Variants in DDI2 observed in about 807,000 individuals in gnomAD.
DDI2 encodes DDI proteasomal shuttling factor 2, also known as protein DDI1 homolog 2.
DDI2 carries 5 observed loss-of-function variants against 48.1 expected under a neutral mutation model. The observed-to-expected ratio is 0.10, with a 90% CI of 0.05 to 0.22. The LOEUF (loss-of-function observed/expected upper bound fraction) is 0.22, where lower values mean the gene tolerates loss of function less well. DDI2 is among the 10% of genes least tolerant of loss of function. The pLI is 1.00. For synonymous variants in DDI2, 205 were observed against 183.6 expected (o/e 1.12, Z -0.94); for missense variants, 285 against 506.2 (o/e 0.56, Z 4.19).
At chr1:15,617,895 A>C in intron 1 of DDI2, 87 bp downstream of exon 1, 1 of 1,402,430 alleles carries the variant, frequency 7.1e-7, no homozygotes, top group South Asian at 1.5e-5. Context: ...ACTGGTGAAG[A>C]ATTGGGGGCT....
intron 7 of DDI2, 21 bp from the exon 8 acceptor site, chr1:15,651,685 C>G (rs1336309715): frequency 2.5e-6 from 4 of 1,582,210 alleles, no homozygotes; most frequent in South Asian, 2.3e-5. Flanking sequence ...TGCTATTATT[C>G]TTTGGTTTCT....
chr1:15,626,809 T>A lies in DDI2; in HGVS notation c.268+11T>A. On this transcript the variant is annotated intron_variant, in intron 2 of 9. Transcript: ENST00000480945. ...CAGTGCAGTTCCCAAGTAAGACATC[T>A]GGTGGTTGAGCATCCCCCAGCAGAA... is the stretch of plus-strand genomic sequence containing the variant. 6.2e-7 allele frequency: 1 copy of A among 1,614,128 alleles called. No homozygotes were observed. The highest frequency in any genetic ancestry group is 8.5e-7 in the Non-Finnish European group (1 of 1,180,014).
In DDI2 at chr1:15,661,357, T is replaced by G. The variant is rs1268437140; in HGVS notation, c.*1567T>G. The G allele has an allele frequency of 6.2e-7, 1 of 1,614,130 alleles. No homozygotes were observed. Among genetic ancestry groups the G allele is most frequent in the Non-Finnish European group, 8.5e-7 (1 of 1,180,010 alleles). ...AGGTGTAGAAATTTCACCCAAACTTTTAGCAGGTGAGGAGGATGCACTCAA... is the reference window on the plus strand; with the variant it reads ...AGGTGTAGAAATTTCACCCAAACTTGTAGCAGGTGAGGAGGATGCACTCAA... On this transcript the variant is annotated 3_prime_UTR_variant, in exon 10 of 10. Transcript: ENST00000480945.
intron 5 of DDI2, 129 bp from the exon 6 acceptor site, chr1:15,643,393 A>T: frequency 7.7e-7 from 1 of 1,305,170 alleles, no homozygotes; most frequent in East Asian, 2.6e-5. Flanking sequence ...CTAGGTAGAA[A>T]TGAGTTTATA....
At position 15,663,053 on chromosome 1, in the gene DDI2, A is replaced by C. The variant is rs1028059201; in HGVS notation, c.*3263A>C. On this transcript the variant is annotated 3_prime_UTR_variant, in exon 10 of 10. Transcript: ENST00000480945. ...TAATCCTACTGGATAGGTTTTAGATAATTCTTTCCTGGCAAACTGCTCTTT... is the reference window on the plus strand; with the variant it reads ...TAATCCTACTGGATAGGTTTTAGATCATTCTTTCCTGGCAAACTGCTCTTT... 4 of 152,200 alleles carry C rather than the reference A, an allele frequency of 2.6e-5. No homozygotes were observed. The highest frequency in any genetic ancestry group is 4.8e-5 in the African/African-American group (2 of 41,450). The allele number at this position is 152,200 out of a possible 1,614,324, so 9.4% of individuals were successfully genotyped here.
chr1:15,650,236 G>A (rs1322748211), intron 7 of DDI2, among the ~76,000 whole-genome samples: 1 of 152,196 alleles, frequency 6.6e-6, no homozygotes, highest in Non-Finnish European at 1.5e-5. Flanking sequence ...TATATGTTGG[G>A]AGTGAAAGTG....
rs373473419 is a variant in DDI2, at chr1:15,651,832, C to T, written c.1120C>T (p.Arg374Trp). The T allele has an allele frequency of 5.3e-5, 85 of 1,613,690 alleles. No homozygotes were observed. The highest frequency in any genetic ancestry group is 3.3e-5 in the South Asian group (3 of 91,046). ...LAYGAGREDV[R>W]PEEIADQELA... ...ATATGGGGCTGGAAGAGAGGATGTACGGCCAGAGGAGATTGCAGACCAAGA... is the reference window on the plus strand; with the variant it reads ...ATATGGGGCTGGAAGAGAGGATGTATGGCCAGAGGAGATTGCAGACCAAGA... Residue 374 changes from arginine (R) to tryptophan (W), a missense_variant, in exon 8 of 10, where the codon CGG becomes TGG. Transcript: ENST00000480945.
At chr1:15,634,552 A>ATTTTTTTTTTTTTTTT (rs1436193826) in intron 4 of DDI2, among the ~76,000 whole-genome samples, 1 of 11,804 alleles carries the variant, frequency 8.5e-5, no homozygotes. Context: ...TTTTTTTTTG[A>ATTTTTTTTTTTTTTTT]GACAAGGTCT....
At chr1:15,620,985 A>G (rs1639651482) in intron 1 of DDI2, among the ~76,000 whole-genome samples, 2 of 152,226 alleles carry the variant, frequency 1.3e-5, no homozygotes, top group Non-Finnish European at 1.5e-5. Context: ...ACATAAGCAT[A>G]TAGTTGGAAA....
In DDI2 at chr1:15,660,537, G is replaced by A. The variant is rs553352701; in HGVS notation, c.*747G>A. On this transcript the variant is annotated 3_prime_UTR_variant, in exon 10 of 10. Coordinates refer to ENST00000480945, the MANE Select transcript of DDI2 (RefSeq NM_032341.5). Reference sequence around the variant, plus strand: ...CGATGAAAGGAAATGGGCTCCCACAGAATGTGGATCCTCCAAGTGCGAAGA... The same window carrying A: ...CGATGAAAGGAAATGGGCTCCCACAAAATGTGGATCCTCCAAGTGCGAAGA... 26 of 1,613,140 alleles carry A rather than the reference G, an allele frequency of 1.6e-5. No homozygotes were observed. The African/African-American group carries it at 3.2e-4, about 20-fold the overall frequency.
intron 4 of DDI2, among the ~76,000 whole-genome samples, chr1:15,636,695 A>G (rs1639935437): frequency 6.6e-6 from 1 of 152,184 alleles, no homozygotes; most frequent in East Asian, 1.9e-4. Flanking sequence ...CCTGGCCTCA[A>G]GTGATCCGCC....
intron 3 of DDI2, among the ~76,000 whole-genome samples, chr1:15,632,180 T>C (rs983302974): frequency 6.6e-6 from 1 of 152,222 alleles, no homozygotes; most frequent in Non-Finnish European, 1.5e-5. Context: ...AGATAACCAT[T>C]GTCATAATAT....
intron 1 of DDI2, among the ~76,000 whole-genome samples, chr1:15,620,781 A>G (rs1392513416): frequency 6.6e-6 from 1 of 152,226 alleles, no homozygotes; most frequent in Admixed American, 6.5e-5. Context: ...ATATGCATAT[A>G]TAATATGTTA....
At chr1:15,657,210 C>T (rs1414377077) in intron 9 of DDI2, among the ~76,000 whole-genome samples, 1 of 152,204 alleles carries the variant, frequency 6.6e-6, no homozygotes, top group African/African-American at 2.4e-5. Context: ...CCTTCTGTCT[C>T]TGGCCTGACA....
At chr1:15,638,487 C>T in intron 5 of DDI2, 53 bp downstream of exon 5, 1 of 1,575,976 alleles carries the variant, frequency 6.3e-7, no homozygotes, top group Admixed American at 1.7e-5. Flanking sequence ...CTTTACCTGA[C>T]ACGGGAGAAG....
At chr1:15,629,494 G>A (rs1293390975) in intron 2 of DDI2, among the ~76,000 whole-genome samples, 1 of 151,656 alleles carries the variant, frequency 6.6e-6, no homozygotes, top group Admixed American at 6.6e-5. Context: ...CTACTCGGGA[G>A]GCTGAGGCAG....
At chr1:15,652,682 G>C (rs1244131578) in intron 8 of DDI2, among the ~76,000 whole-genome samples, 1 of 152,000 alleles carries the variant, frequency 6.6e-6, no homozygotes, top group African/African-American at 2.4e-5. Context: ...AATTAGCCGG[G>C]CGTAGTGGTA....
At position 15,621,957 on chromosome 1, in the gene DDI2, G is replaced by A. The variant is rs1486092788; in HGVS notation, c.138+4149G>A. 2.6e-5 allele frequency among the ~76,000 whole-genome samples: 4 copies of A among 152,066 alleles called. No homozygotes were observed. The South Asian group carries it at 8.3e-4, about 32-fold the overall frequency. The stretch of plus-strand genomic sequence containing the variant: ...ACAAGTCAAATTGGCTATTACATGG[G>A]GTAGTATATGTAGATAACTTGGTAG... On this transcript the variant is annotated intron_variant, in intron 1 of 9. Transcript: ENST00000480945.
Position 15,661,010 on chromosome 1 carries a change from A to G in DDI2, c.*1220A>G, listed in dbSNP as rs779050151. 1 of 1,614,076 alleles carries G rather than the reference A, an allele frequency of 6.2e-7. No homozygotes were observed. Among genetic ancestry groups the G allele is most frequent in the South Asian group, 1.1e-5 (1 of 91,050 alleles). On this transcript the variant is annotated 3_prime_UTR_variant, in exon 10 of 10. Transcript: ENST00000480945. The stretch of plus-strand genomic sequence containing the variant: ...AATACATCTGAAGAAGTAATCTGTC[A>G]ATCAGAAACCATAGCTGAGGGCCAA...
Sources: allele counts gnomAD v4.1 joint callset (sites outside exome capture counted in the v4.1 genomes callset), GRCh38; gene constraint gnomAD v4.1.1; transcripts MANE v1.5; gene names NCBI Gene and HGNC (gene_info 2026-07-23, HGNC 2026-07-21).